The following PCBD2 variants were observed in gnomAD, a reference collection of about 807,000 sequenced individuals.
The protein encoded by PCBD2 is pterin-4 alpha-carbinolamine dehydratase 2.
In PCBD2, 12 loss-of-function variants were observed where a neutral mutation model predicts 16.4. The ratio of observed to expected loss-of-function variants is 0.73; its 90% CI spans 0.47 to 1.19. PCBD2 has a LOEUF of 1.19. PCBD2 is among the 50% of genes most tolerant of loss of function. The pLI is 0.00. For synonymous variants in PCBD2, 58 were observed against 61.8 expected (o/e 0.94, Z 0.29); for missense variants, 138 against 156.8 (o/e 0.88, Z 0.64).
chr5:134,923,966 G>A (rs1347813982), intron 2 of PCBD2: 8 of 394,400 alleles, frequency 2.0e-5, no homozygotes, highest in South Asian at 1.3e-4. Flanking sequence ...TTCATCATGC[G>A]GAGATATTGG....
intron 1 of PCBD2, among the ~76,000 whole-genome samples, chr5:134,905,883 G>T (rs1358788380): frequency 7.2e-5 from 11 of 152,038 alleles, no homozygotes; most frequent in Non-Finnish European, 1.5e-5. Context: ...GTTTTGTTTT[G>T]TTTTTTCGAC....
intron 2 of PCBD2, among the ~76,000 whole-genome samples, chr5:134,939,929 ATT>A (rs56030382): frequency 6.9e-6 from 1 of 145,958 alleles, no homozygotes; most frequent in Admixed American, 6.9e-5. Flanking sequence ...GTAATAAGAA[ATT>A]TTTTTTTTTT....
intron 2 of PCBD2, among the ~76,000 whole-genome samples, chr5:134,957,096 C>T (rs1379226918): frequency 6.6e-6 from 1 of 152,102 alleles, no homozygotes; most frequent in Non-Finnish European, 1.5e-5. Context: ...AACCCTGTCT[C>T]TGCTAAAACT....
chr5:134,960,428 A>G (rs560058110), intron 3 of PCBD2, among the ~76,000 whole-genome samples, 158 bp from the exon 4 acceptor site: 1 of 152,250 alleles, frequency 6.6e-6, no homozygotes, highest in Admixed American at 6.5e-5. Flanking sequence ...GGGTTTTGGA[A>G]ATGTTTTGCT....
Position 134,962,072 on chromosome 5 carries a change from TTGTG to T in PCBD2, c.*1423_*1426del, listed in dbSNP as rs58911694. ...CATTGCCCCCAGCCAGTATAACAGT[TTGTG>T]TGTGTGTGTGTGTGTGTGTGTGTGT... On this transcript the variant is annotated 3_prime_UTR_variant, in exon 4 of 4. Coordinates refer to ENST00000254908, the MANE Select transcript of PCBD2 (RefSeq NM_032151.5). Among the ~76,000 whole-genome samples the T allele has an allele frequency of 0.062, 8,691 of 140,504 alleles. 314 individuals carry two copies. The highest frequency in any genetic ancestry group is 0.12 in the Admixed American group (1,641 of 14,016). 92.2% of individuals were successfully genotyped at this position (140,504 alleles called of 152,430 possible). A position where few individuals can be genotyped will look rare whatever the true frequency, so the allele number is the denominator to read the frequency against.
At chr5:134,915,073 T>C (rs1750812374) in intron 2 of PCBD2, among the ~76,000 whole-genome samples, 1 of 152,004 alleles carries the variant, frequency 6.6e-6, no homozygotes, top group Non-Finnish European at 1.5e-5. Context: ...TCCCAGCACT[T>C]TGGGAAGCTG....
intron 2 of PCBD2, chr5:134,923,962 A>G (rs1750944967): frequency 2.5e-6 from 1 of 394,394 alleles, no homozygotes; most frequent in Non-Finnish European, 4.5e-6. Context: ...AAGTTTCATC[A>G]TGCGGAGATA....
At chr5:134,957,379 G>A (rs1327648429) in intron 2 of PCBD2, among the ~76,000 whole-genome samples, 1 of 152,248 alleles carries the variant, frequency 6.6e-6, no homozygotes, top group Non-Finnish European at 1.5e-5. Flanking sequence ...TTGCATTGCT[G>A]TCTATCAGTG....
chr5:134,926,760 A>G, intron 2 of PCBD2: 1 of 397,684 alleles, frequency 2.5e-6, no homozygotes, highest in Non-Finnish European at 4.4e-6. Flanking sequence ...TGAGGGTTTT[A>G]TGTTGTTAAT....
At chr5:134,938,403 T>C (rs1751186794) in intron 2 of PCBD2, among the ~76,000 whole-genome samples, 3 of 152,188 alleles carry the variant, frequency 2.0e-5, no homozygotes, top group Non-Finnish European at 4.4e-5. Flanking sequence ...TGAATGACCA[T>C]TTTTTGTTTA....
At chr5:134,939,670 A>G (rs1009362974) in intron 2 of PCBD2, among the ~76,000 whole-genome samples, 25 of 152,312 alleles carry the variant, frequency 1.6e-4, no homozygotes, top group African/African-American at 6.0e-4. Flanking sequence ...AGGTTCAAAA[A>G]TACTCTTTCT....
intron 2 of PCBD2, among the ~76,000 whole-genome samples, chr5:134,938,019 AT>A (rs1333938542): frequency 6.6e-6 from 1 of 152,198 alleles, no homozygotes; most frequent in Non-Finnish European, 1.5e-5. Flanking sequence ...GACTTTGGGA[AT>A]TTGAATGGAA....
At chr5:134,931,241 T>C (rs901498868) in intron 2 of PCBD2, among the ~76,000 whole-genome samples, 6 of 152,174 alleles carry the variant, frequency 3.9e-5, no homozygotes, top group African/African-American at 1.4e-4. Context: ...GGTGGTGTGC[T>C]ATAAAGAAAA....
intron 1 of PCBD2, among the ~76,000 whole-genome samples, chr5:134,907,318 C>T (rs1438041241): frequency 6.6e-6 from 1 of 152,160 alleles, no homozygotes; most frequent in African/African-American, 2.4e-5. Context: ...GGTCTTGGCG[C>T]ACTGCAACTT....
chr5:134,924,375 G>A lies in PCBD2; in HGVS notation c.216+13909G>A. 5.0e-6 allele frequency: 2 copies of A among 396,760 alleles called. 1 individual carries two copies. Among genetic ancestry groups the A allele is most frequent in the East Asian group, 7.1e-5 (2 of 28,004 alleles). 24.6% of individuals were successfully genotyped at this position (396,760 alleles called of 1,614,324 possible). On this transcript the variant is annotated intron_variant, in intron 2 of 3. Transcript: ENST00000254908. Reference sequence around the variant, plus strand: ...GGAGTATCCTGAGGCATGGGGGTCAGGGGTTGAGGTCTTGGTAAGTGTTTT... The same window carrying A: ...GGAGTATCCTGAGGCATGGGGGTCAAGGGTTGAGGTCTTGGTAAGTGTTTT...
intron 2 of PCBD2, among the ~76,000 whole-genome samples, chr5:134,912,439 C>G (rs1041191865): frequency 7.2e-5 from 11 of 152,292 alleles, no homozygotes; most frequent in Admixed American, 2.0e-4. Context: ...CACCAAAGGG[C>G]ACCGTGGGGT....
Position 134,952,597 on chromosome 5 carries a change from A to G in PCBD2, c.217-6443A>G, listed in dbSNP as rs111318636. 4.7e-4 allele frequency among the ~76,000 whole-genome samples: 72 copies of G among 152,270 alleles called. 1 individual carries two copies. Among genetic ancestry groups the G allele is most frequent in the African/African-American group, 1.7e-3 (71 of 41,570 alleles). ...GGTGGGAAGATTACTTGAGGCCAGG[A>G]GTTCAAGACCAGGCTGGGCAACATA... On this transcript the variant is annotated intron_variant, in intron 2 of 3. Transcript: ENST00000254908.
At chr5:134,942,564 A>C (rs569312476) in intron 2 of PCBD2, among the ~76,000 whole-genome samples, 1 of 152,210 alleles carries the variant, frequency 6.6e-6, no homozygotes, top group African/African-American at 2.4e-5. Flanking sequence ...AGTTATGTTC[A>C]GAAGGTACTA....
chr5:134,931,593 A>G (rs925379225), intron 2 of PCBD2, among the ~76,000 whole-genome samples: 4 of 152,224 alleles, frequency 2.6e-5, no homozygotes, highest in African/African-American at 4.8e-5. Flanking sequence ...AGCTTGCTCA[A>G]ACTTCCAGAG....
Sources: gnomAD v4.1 joint callset for allele counts (sites outside exome capture counted in the v4.1 genomes callset) on GRCh38, gnomAD v4.1.1 for gene constraint, MANE v1.5 for transcripts, NCBI Gene and HGNC (gene_info 2026-07-23, HGNC 2026-07-21) for gene names.